PARD3B: variants seen among roughly 807,000 people sequenced by gnomAD.
PARD3B encodes par-3 family cell polarity regulator beta.
Under a neutral mutation model 130.2 loss-of-function variants are expected in PARD3B, and 103 were observed. The observed-to-expected ratio is 0.79, with a 90% CI of 0.67 to 0.93. PARD3B has a LOEUF of 0.93. Among genes scored for constraint, PARD3B ranks in the 40% least tolerant of loss-of-function variants. The pLI, the probability that PARD3B is intolerant of heterozygous loss-of-function variation, is 0.00. For synonymous variants in PARD3B, 583 were observed against 553.2 expected (o/e 1.05, Z -0.76); for missense variants, 1,609 against 1,499.2 (o/e 1.07, Z -1.21).
chr2:204,990,470 A>G (rs1693563931), intron 3 of PARD3B, among the ~76,000 whole-genome samples: 1 of 152,174 alleles, frequency 6.6e-6, no homozygotes, highest in African/African-American at 2.4e-5. Context: ...TCACCGTACC[A>G]TGCTGTTGAA....
At chr2:205,456,854 CAGTT>C (rs1425923777) in intron 20 of PARD3B, among the ~76,000 whole-genome samples, 11 of 148,586 alleles carry the variant, frequency 7.4e-5, no homozygotes, top group African/African-American at 2.7e-4. Flanking sequence ...AATAAATACT[CAGTT>C]AAATATAATT....
chr2:205,137,763 C>A (rs561504360), intron 10 of PARD3B, among the ~76,000 whole-genome samples: 26 of 152,304 alleles, frequency 1.7e-4, no homozygotes, highest in African/African-American at 6.0e-4. Flanking sequence ...GGGTGGGACA[C>A]CATGGTCCTC....
intron 22 of PARD3B, among the ~76,000 whole-genome samples, chr2:205,594,259 A>T: frequency 6.6e-6 from 1 of 152,194 alleles, no homozygotes; most frequent in East Asian, 1.9e-4. Context: ...CTCCTATCCG[A>T]GGTCCCTTCT....
chr2:204,546,910 G>T (rs1162145757), intron 1 of PARD3B, among the ~76,000 whole-genome samples: 8 of 152,192 alleles, frequency 5.3e-5, no homozygotes, highest in African/African-American at 1.9e-4. Flanking sequence ...CTTATGCCAA[G>T]TATTTGGGTA....
In PARD3B at chr2:205,397,286, T is replaced by G. The variant is rs2046066748; in HGVS notation, c.2631-3727T>G. 6.6e-6 allele frequency among the ~76,000 whole-genome samples: 1 copy of G among 152,242 alleles called. No homozygotes were observed. Among genetic ancestry groups the G allele is most frequent in the Non-Finnish European group, 1.5e-5 (1 of 68,038 alleles). ...TAAATTTCACATGTATTTCTGCCCT[T>G]CTTATTGGAAACTTGAATCGAGGAT... On this transcript the variant is annotated intron_variant, in intron 18 of 22. Transcript: ENST00000406610. This position sits in a 1 kb window ranked among gnomAD's most constrained non-coding sequence, Gnocchi z 4.8.
intron 21 of PARD3B, among the ~76,000 whole-genome samples, chr2:205,552,157 G>A (rs1382202231): frequency 2.0e-5 from 3 of 152,150 alleles, no homozygotes; most frequent in Non-Finnish European, 4.4e-5. Context: ...TGCCCTTTAG[G>A]ATTTCAGAGG....
intron 18 of PARD3B, among the ~76,000 whole-genome samples, chr2:205,371,889 T>C (rs2044832610): frequency 6.6e-6 from 1 of 152,162 alleles, no homozygotes; most frequent in Non-Finnish European, 1.5e-5. Flanking sequence ...ATATATTTAA[T>C]ATAAATAGAA....
At chr2:205,328,274 A>G (rs1411992666) in intron 18 of PARD3B, among the ~76,000 whole-genome samples, 1 of 152,150 alleles carries the variant, frequency 6.6e-6, no homozygotes, top group East Asian at 1.9e-4. Context: ...GATTGACATT[A>G]TATCATTATC....
chr2:204,919,343 T>G (rs1336487584), intron 2 of PARD3B, among the ~76,000 whole-genome samples: 1 of 152,206 alleles, frequency 6.6e-6, no homozygotes, highest in Admixed American at 6.5e-5. Flanking sequence ...TCATGTAAAC[T>G]CCTATCAAGA....
At chr2:205,443,092 C>T (rs2047780976) in intron 20 of PARD3B, among the ~76,000 whole-genome samples, 1 of 152,176 alleles carries the variant, frequency 6.6e-6, no homozygotes, top group African/African-American at 2.4e-5. Flanking sequence ...CCGATTTTGT[C>T]CTGGCACATA....
chr2:205,550,135 T>C lies in PARD3B; in HGVS notation c.3181-3189T>C, dbSNP rs934210060. ...CATGGTTTTTCACTTTTGTGCTCTT[T>C]ACTTGAATGGCTTATCCTACTACTC... On this transcript the variant is annotated intron_variant, in intron 21 of 22. Transcript: ENST00000406610. This position sits in a 1 kb window ranked among gnomAD's most constrained non-coding sequence, Gnocchi z 4.5. 4.6e-5 allele frequency among the ~76,000 whole-genome samples: 7 copies of C among 152,170 alleles called. No homozygotes were observed. Among genetic ancestry groups the C allele is most frequent in the Admixed American group, 1.3e-4 (2 of 15,272 alleles).
intron 18 of PARD3B, among the ~76,000 whole-genome samples, chr2:205,323,579 C>A (rs1013324117): frequency 1.7e-4 from 26 of 152,282 alleles, no homozygotes; most frequent in African/African-American, 5.5e-4. Context: ...AATCTAGCCT[C>A]TGTAGACTAT....
At chr2:204,745,709 A>T (rs974976803) in intron 2 of PARD3B, among the ~76,000 whole-genome samples, 2 of 151,932 alleles carry the variant, frequency 1.3e-5, no homozygotes, top group African/African-American at 4.8e-5. Flanking sequence ...GGCCGATACT[A>T]CCATTTTCAT....
chr2:204,918,494 G>T (rs1399884647), intron 2 of PARD3B, among the ~76,000 whole-genome samples: 3 of 151,140 alleles, frequency 2.0e-5, no homozygotes, highest in African/African-American at 4.8e-5. Context: ...ACCGGGCGTA[G>T]TGGCGGGCGC....
intron 22 of PARD3B, among the ~76,000 whole-genome samples, chr2:205,613,936 C>T (rs1364531654): frequency 1.3e-5 from 2 of 152,200 alleles, no homozygotes; most frequent in Non-Finnish European, 2.9e-5. Context: ...ATTCTCACAG[C>T]CCTGTCATTT....
intron 3 of PARD3B, among the ~76,000 whole-genome samples, chr2:204,996,615 C>G (rs978689564): frequency 4.0e-5 from 6 of 151,170 alleles, no homozygotes; most frequent in East Asian, 4.0e-4. Context: ...CCACCCAGTT[C>G]GAGCTTCCCG....
At chr2:205,532,742 G>A (rs190440166) in intron 21 of PARD3B, among the ~76,000 whole-genome samples, 1 of 152,288 alleles carries the variant, frequency 6.6e-6, no homozygotes, top group Non-Finnish European at 1.5e-5. Context: ...AAGTTAGGAT[G>A]AGTTTGCCTG....
At chr2:205,067,707 A>G (rs1188052297) in intron 4 of PARD3B, among the ~76,000 whole-genome samples, 1 of 152,166 alleles carries the variant, frequency 6.6e-6, no homozygotes, top group African/African-American at 2.4e-5. Context: ...CAGTTATTTC[A>G]GTGCCATTTA....
At chr2:204,653,078 A>T (rs2035535197) in intron 1 of PARD3B, among the ~76,000 whole-genome samples, 2 of 151,002 alleles carry the variant, frequency 1.3e-5, no homozygotes. Context: ...ACTCATGGAC[A>T]CAAAAAACTC....
Sources: allele counts gnomAD v4.1 joint callset (sites outside exome capture counted in the v4.1 genomes callset), GRCh38; gene constraint gnomAD v4.1.1; non-coding constraint Gnocchi (gnomAD v3.1); transcripts MANE v1.5; gene names NCBI Gene and HGNC (gene_info 2026-07-23, HGNC 2026-07-21).